The following GNAQ variants were observed in gnomAD, a reference collection of about 807,000 sequenced individuals.
GNAQ encodes the protein guanine nucleotide-binding protein G(q) subunit alpha.
In GNAQ, 8 loss-of-function variants were observed where a neutral mutation model predicts 43.9. The observed-to-expected ratio is 0.18, with a 90% CI of 0.11 to 0.33. The LOEUF (loss-of-function observed/expected upper bound fraction) is 0.33, where lower values mean the gene tolerates loss of function less well. Ranked by LOEUF, GNAQ falls within the 10% of genes least tolerant of loss-of-function variation. GNAQ has a pLI of 1.00. For missense variants in GNAQ, 158 were observed against 450.8 expected, an observed-to-expected ratio of 0.35 and a Z score of 5.88; for synonymous variants, 155 against 170.7, an observed-to-expected ratio of 0.91 and a Z score of 0.71.
intron 1 of GNAQ, among the ~76,000 whole-genome samples, chr9:78,028,097 A>T (rs919584465): frequency 1.3e-5 from 2 of 152,222 alleles, no homozygotes; most frequent in African/African-American, 2.4e-5. Flanking sequence ...TGTGCTTTAT[A>T]CCTACAAAAT....
At chr9:78,011,655 A>G (rs1350678325) in intron 1 of GNAQ, among the ~76,000 whole-genome samples, 1 of 152,210 alleles carries the variant, frequency 6.6e-6, no homozygotes, top group Non-Finnish European at 1.5e-5. Context: ...TGAAGCATCA[A>G]AGAGATAGCA....
chr9:77,724,929 G>T, intron 6 of GNAQ, among the ~76,000 whole-genome samples: 1 of 151,954 alleles, frequency 6.6e-6, no homozygotes, highest in African/African-American at 2.4e-5. Context: ...TAACTCCAGA[G>T]AAGTAATAAA....
intron 1 of GNAQ, among the ~76,000 whole-genome samples, chr9:77,925,153 G>A (rs944526466): frequency 2.0e-5 from 3 of 152,002 alleles, no homozygotes; most frequent in Non-Finnish European, 4.4e-5. Flanking sequence ...GCTCTTACAA[G>A]TTACTTACAC....
intron 1 of GNAQ, among the ~76,000 whole-genome samples, chr9:77,994,765 C>T (rs1352198749): frequency 2.0e-5 from 3 of 152,132 alleles, no homozygotes; most frequent in African/African-American, 7.2e-5. Context: ...TAGTTACCTC[C>T]TATAAAGCCT....
intron 1 of GNAQ, among the ~76,000 whole-genome samples, chr9:77,943,675 T>C (rs1829346520): frequency 6.7e-6 from 1 of 150,314 alleles, no homozygotes; most frequent in Non-Finnish European, 1.5e-5. Flanking sequence ...TTTTTTTTTT[T>C]TTTTTTGAGA....
chr9:77,982,656 A>T (rs1436582174), intron 1 of GNAQ, among the ~76,000 whole-genome samples: 1 of 152,100 alleles, frequency 6.6e-6, no homozygotes, highest in African/African-American at 2.4e-5. Context: ...ATGCCATCAA[A>T]TATTCATTGC....
At chr9:77,897,837 C>A (rs1242556897) in intron 2 of GNAQ, among the ~76,000 whole-genome samples, 1 of 151,854 alleles carries the variant, frequency 6.6e-6, no homozygotes, top group African/African-American at 2.4e-5. Context: ...CCTGCTCCCC[C>A]ACATCAGTCA....
At chr9:77,865,335 T>C (rs752125406) in intron 2 of GNAQ, among the ~76,000 whole-genome samples, 1 of 152,210 alleles carries the variant, frequency 6.6e-6, no homozygotes, top group Non-Finnish European at 1.5e-5. Context: ...ATTTTTCTCA[T>C]CCTTACCTAT....
intron 2 of GNAQ, among the ~76,000 whole-genome samples, chr9:77,845,586 G>C (rs1209360958): frequency 6.6e-6 from 1 of 152,120 alleles, no homozygotes; most frequent in Admixed American, 6.5e-5. Context: ...AGCACATAAA[G>C]AACACAATTC....
chr9:77,942,375 T>C (rs1334142669), intron 1 of GNAQ, among the ~76,000 whole-genome samples: 1 of 152,232 alleles, frequency 6.6e-6, no homozygotes, highest in Non-Finnish European at 1.5e-5. Flanking sequence ...ATGATTTTAC[T>C]AGTGAGCCAT....
At chr9:77,771,151 C>A (rs1422672458) in intron 5 of GNAQ, among the ~76,000 whole-genome samples, 1 of 152,126 alleles carries the variant, frequency 6.6e-6, no homozygotes, top group Non-Finnish European at 1.5e-5. Flanking sequence ...GAACACATAA[C>A]CTGAATGCAA....
chr9:77,891,563 C>A (rs1828405665), intron 2 of GNAQ, among the ~76,000 whole-genome samples: 1 of 152,160 alleles, frequency 6.6e-6, no homozygotes, highest in South Asian at 2.1e-4. Context: ...ATGTATTATA[C>A]GATTGTCATC....
At chr9:77,951,874 C>G (rs552880447) in intron 1 of GNAQ, among the ~76,000 whole-genome samples, 75 of 152,308 alleles carry the variant, frequency 4.9e-4, no homozygotes, top group African/African-American at 1.7e-3. Context: ...CACTCTGTCC[C>G]TAGGATCAGT....
intron 5 of GNAQ, among the ~76,000 whole-genome samples, chr9:77,785,934 TTAAGATTATTG>T (rs1457058624): frequency 6.6e-6 from 1 of 152,180 alleles, no homozygotes; most frequent in Non-Finnish European, 1.5e-5. Context: ...CTACTAGATA[TTAAGATTATTG>T]TAACTAGTGA....
intron 1 of GNAQ, among the ~76,000 whole-genome samples, chr9:77,967,840 A>C (rs59271057): frequency 6.6e-6 from 1 of 152,146 alleles, no homozygotes; most frequent in Non-Finnish European, 1.5e-5. Context: ...TGAGCCGGGC[A>C]TGGTGGCACA....
At chr9:77,863,553 TAC>T (rs1827895568) in intron 2 of GNAQ, among the ~76,000 whole-genome samples, 2 of 152,194 alleles carry the variant, frequency 1.3e-5, no homozygotes, top group Admixed American at 1.3e-4. Context: ...CTCTGCCTAT[TAC>T]CCAGTTCCAA....
chr9:77,979,094 G>A (rs1215793823), intron 1 of GNAQ, among the ~76,000 whole-genome samples: 1 of 152,030 alleles, frequency 6.6e-6, no homozygotes, highest in Non-Finnish European at 1.5e-5. Context: ...GGTGGCTCAT[G>A]CCTGTAATTC....
In GNAQ at chr9:77,996,702, A is replaced by G. The variant is rs574041938; in HGVS notation, c.136+34398T>C. Among the ~76,000 whole-genome samples the G allele has an allele frequency of 1.6e-3, 236 of 152,018 alleles. 2 individuals are homozygous for G. Among genetic ancestry groups the G allele is most frequent in the Non-Finnish European group, 2.5e-3 (167 of 67,960 alleles). Reference sequence around the variant, plus strand: ...CAAAAAAAAAAAAAAAAAAAGAAAAAAGAAAAAAAGAAAAACAAATGCAAT... The same window carrying G: ...CAAAAAAAAAAAAAAAAAAAGAAAAGAGAAAAAAAGAAAAACAAATGCAAT... On this transcript the variant is annotated intron_variant, in intron 1 of 6. Transcript: ENST00000286548.
chr9:77,760,342 G>A (rs893730534), intron 5 of GNAQ, among the ~76,000 whole-genome samples: 5 of 152,066 alleles, frequency 3.3e-5, no homozygotes, highest in Admixed American at 1.3e-4. Flanking sequence ...GAGTGCCTGC[G>A]AGTGCAGGCG....
Sources: allele counts gnomAD v4.1 joint callset (sites outside exome capture counted in the v4.1 genomes callset), GRCh38; gene constraint gnomAD v4.1.1; transcripts MANE v1.5; gene names NCBI Gene and HGNC (gene_info 2026-07-23, HGNC 2026-07-21).